TENM3: variants seen among roughly 807,000 people sequenced by gnomAD.
TENM3 encodes the protein teneurin-3.
In TENM3, 63 loss-of-function variants were observed where a neutral mutation model predicts 255.1. That is an observed-to-expected ratio of 0.25 (90% CI 0.20 to 0.30). TENM3 has a LOEUF of 0.30. Ranked by LOEUF, TENM3 falls within the 10% of genes least tolerant of loss-of-function variation. The pLI, the probability that TENM3 is intolerant of heterozygous loss-of-function variation, is 1.00. For missense variants in TENM3, 2,929 were observed against 3,461.1 expected (o/e 0.85, Z 3.86); for synonymous variants, 1,306 against 1,322.3 (o/e 0.99, Z 0.27).
At chr4:181,651,691 C>G in the TENM3 span, among the ~76,000 whole-genome samples, 2 of 152,062 alleles carry the variant, frequency 1.3e-5, no homozygotes, top group Non-Finnish European at 2.9e-5. Context: ...AAACAAGATG[C>G]GTTACATCTA....
chr4:182,001,661 C>T, the TENM3 span, among the ~76,000 whole-genome samples: 1 of 152,076 alleles, frequency 6.6e-6, no homozygotes, highest in Non-Finnish European at 1.5e-5. Flanking sequence ...CTGGCAGGTA[C>T]TTGAGGAGCG....
At chr4:181,645,548 G>A in the TENM3 span, among the ~76,000 whole-genome samples, 1 of 152,106 alleles carries the variant, frequency 6.6e-6, no homozygotes, top group African/African-American at 2.4e-5. Flanking sequence ...ACAGAACTTG[G>A]GTTACCCTTT....
intron 1 of TENM3, among the ~76,000 whole-genome samples, chr4:182,301,115 A>T (rs756638843): frequency 1.3e-5 from 2 of 152,218 alleles, no homozygotes; most frequent in East Asian, 3.9e-4. Context: ...TTAAAAAGGT[A>T]TATACATGTT....
chr4:181,839,384 TACACCTATATAC>T, the TENM3 span, among the ~76,000 whole-genome samples: 6 of 83,422 alleles, frequency 7.2e-5, no homozygotes, highest in Admixed American at 1.3e-4. Flanking sequence ...TATATATATA[TACACCTATATAC>T]ATATATATAT....
At chr4:182,726,147 T>C (rs1044379692) in intron 13 of TENM3, among the ~76,000 whole-genome samples, 11 of 152,136 alleles carry the variant, frequency 7.2e-5, no homozygotes, top group African/African-American at 2.7e-4. Flanking sequence ...ACTTAAAATA[T>C]TAGTGTGAAA....
the TENM3 span, among the ~76,000 whole-genome samples, chr4:181,929,372 A>C: frequency 6.6e-6 from 1 of 151,526 alleles, no homozygotes; most frequent in Non-Finnish European, 1.5e-5. Flanking sequence ...AAAAAGGAGG[A>C]GTTGCAATCC....
chr4:182,731,804 C>T (rs187393378), intron 16 of TENM3, among the ~76,000 whole-genome samples: 14,298 of 143,384 alleles, frequency 0.1, 1,003 homozygotes, highest in South Asian at 0.14. Flanking sequence ...TTTTTTGAGA[C>T]GGAGTCTCGC....
the TENM3 span, among the ~76,000 whole-genome samples, chr4:181,465,142 A>G: frequency 4.1e-4 from 62 of 152,010 alleles, no homozygotes; most frequent in Non-Finnish European, 1.9e-4. Flanking sequence ...TATGATGTGA[A>G]GGAGTTCAAC....
At chr4:182,416,430 A>T (rs1770364030) in intron 3 of TENM3, among the ~76,000 whole-genome samples, 1 of 152,168 alleles carries the variant, frequency 6.6e-6, no homozygotes, top group African/African-American at 2.4e-5. Flanking sequence ...TTTCTTAAAA[A>T]AAAAAAGAAA....
chr4:182,415,975 A>G (rs1441187709), intron 3 of TENM3, among the ~76,000 whole-genome samples: 1 of 152,132 alleles, frequency 6.6e-6, no homozygotes, highest in Admixed American at 6.5e-5. Flanking sequence ...CCAGCATGCC[A>G]TATGTTAAAT....
At chr4:182,559,104 T>C (rs72701949) in intron 3 of TENM3, among the ~76,000 whole-genome samples, 17,242 of 150,234 alleles carry the variant, frequency 0.11, 1,263 homozygotes, top group Non-Finnish European at 0.16. Flanking sequence ...TCTTCTTTCT[T>C]TCTTTTCTCT....
chr4:181,840,708 T>C, the TENM3 span, among the ~76,000 whole-genome samples: 1 of 152,070 alleles, frequency 6.6e-6, no homozygotes, highest in Non-Finnish European at 1.5e-5. Flanking sequence ...CCCCCTTAGG[T>C]GCAGGTTCAT....
At chr4:181,733,496 C>G in the TENM3 span, among the ~76,000 whole-genome samples, 13 of 152,292 alleles carry the variant, frequency 8.5e-5, no homozygotes, top group African/African-American at 3.1e-4. Flanking sequence ...CATCCTCTTA[C>G]ACTCTCCTCG....
chr4:182,204,809 G>C (rs1213994845), intron 1 of TENM3, among the ~76,000 whole-genome samples: 1 of 152,138 alleles, frequency 6.6e-6, no homozygotes, highest in Non-Finnish European at 1.5e-5. Flanking sequence ...ACAAATCTCT[G>C]TGTTCAATGA....
chr4:181,570,022 C>A, the TENM3 span, among the ~76,000 whole-genome samples: 2 of 151,058 alleles, frequency 1.3e-5, no homozygotes, highest in Non-Finnish European at 2.9e-5. Flanking sequence ...AGACACCATC[C>A]CTACAAATGT....
rs1201446420 is a variant in TENM3 at position 182,680,744 on chromosome 4, A to G, written c.1834+7A>G. ...GGAGAAAGTTGTGAAGAAGGTAAAC[A>G]TGTCAATATTCACAGAAGTCTGTTG... On this transcript the variant is annotated splice_region_variant and intron_variant, in intron 10 of 27. Coordinates refer to ENST00000511685, the MANE Select transcript of TENM3 (RefSeq NM_001080477.4). The G allele has an allele frequency of 1.9e-6, 3 of 1,541,172 alleles. No individual in the cohort carries two copies. The highest frequency in any genetic ancestry group is 1.2e-5 in the South Asian group (1 of 80,208).
At chr4:182,313,478 T>C (rs1440050420) in intron 1 of TENM3, among the ~76,000 whole-genome samples, 2 of 151,976 alleles carry the variant, frequency 1.3e-5, no homozygotes, top group African/African-American at 4.8e-5. Flanking sequence ...TAAAAATGGG[T>C]TACAAGATTA....
the TENM3 span, among the ~76,000 whole-genome samples, chr4:181,827,245 A>T: frequency 6.6e-6 from 1 of 152,012 alleles, no homozygotes; most frequent in East Asian, 1.9e-4. Context: ...GACAGGGGTA[A>T]CTCTTTAAGA....
the TENM3 span, among the ~76,000 whole-genome samples, chr4:181,892,083 G>A: frequency 3.3e-5 from 5 of 152,134 alleles, no homozygotes; most frequent in African/African-American, 1.2e-4. Context: ...GGACTTCCCA[G>A]TCTCCAAAAC....
Sources: allele counts gnomAD v4.1 joint callset (sites outside exome capture counted in the v4.1 genomes callset), GRCh38; gene constraint gnomAD v4.1.1; transcripts MANE v1.5; gene names NCBI Gene and HGNC (gene_info 2026-07-23, HGNC 2026-07-21).